DOK5: variants seen among roughly 807,000 people sequenced by gnomAD.
DOK5 encodes downstream of tyrosine kinase 5.
Under a neutral mutation model 43.3 loss-of-function variants are expected in DOK5, and 27 were observed. The observed-to-expected ratio is 0.62, with a 90% confidence interval of 0.46 to 0.86. DOK5 has a LOEUF of 0.86. Ranked by LOEUF, DOK5 falls within the 40% of genes least tolerant of loss-of-function variation. DOK5 has a pLI of 0.00. For missense variants in DOK5, 373 were observed against 392.9 expected (o/e 0.95, Z 0.43); for synonymous variants, 146 against 140.1 (o/e 1.04, Z -0.30).
At chr20:54,501,466 C>CAAAAAAAAAA (rs76224592) in intron 1 of DOK5, among the ~76,000 whole-genome samples, 1 of 19,454 alleles carries the variant, frequency 5.1e-5, no homozygotes, top group African/African-American at 2.1e-4. Context: ...GACTCACTCT[C>CAAAAAAAAAA]AAAAAAAAAA....
At chr20:54,578,991 A>G (rs1333067223) in intron 2 of DOK5, among the ~76,000 whole-genome samples, 2 of 152,172 alleles carry the variant, frequency 1.3e-5, no homozygotes, top group Non-Finnish European at 2.9e-5. Flanking sequence ...TGATTATATG[A>G]CATTATTGTT....
chr20:54,531,764 G>A (rs1386333070), intron 1 of DOK5, among the ~76,000 whole-genome samples: 1 of 152,178 alleles, frequency 6.6e-6, no homozygotes, highest in South Asian at 2.1e-4. Flanking sequence ...TATTCTTTAA[G>A]TTGGGGATTC....
intron 1 of DOK5, among the ~76,000 whole-genome samples, chr20:54,526,914 G>GGT (rs1347308291): frequency 2.6e-5 from 4 of 152,022 alleles, no homozygotes; most frequent in African/African-American, 4.8e-5. Flanking sequence ...GAAACAATGA[G>GGT]GTTATAGTTA....
At chr20:54,606,704 A>G (rs1986480247) in intron 5 of DOK5, among the ~76,000 whole-genome samples, 3 of 152,300 alleles carry the variant, frequency 2.0e-5, no homozygotes, top group East Asian at 1.9e-4. Flanking sequence ...TTCCAAACAC[A>G]TCAATTAGGA....
At chr20:54,523,315 C>T (rs1337085861) in intron 1 of DOK5, among the ~76,000 whole-genome samples, 3 of 152,056 alleles carry the variant, frequency 2.0e-5, no homozygotes, top group Non-Finnish European at 4.4e-5. Flanking sequence ...GCCTGTAATC[C>T]CAGCACTTTG....
At chr20:54,515,730 A>G (rs993619413) in intron 1 of DOK5, among the ~76,000 whole-genome samples, 1 of 152,180 alleles carries the variant, frequency 6.6e-6, no homozygotes, top group African/African-American at 2.4e-5. Context: ...ATTTTTTTGT[A>G]TTGGTTACCA....
intron 1 of DOK5, among the ~76,000 whole-genome samples, chr20:54,495,732 A>C (rs1982365951): frequency 6.6e-6 from 1 of 152,152 alleles, no homozygotes; most frequent in Non-Finnish European, 1.5e-5. Context: ...CTCTACAATA[A>C]TTAGCCGGGT....
At chr20:54,565,225 A>T (rs1985054576) in intron 2 of DOK5, among the ~76,000 whole-genome samples, 1 of 152,236 alleles carries the variant, frequency 6.6e-6, no homozygotes, top group African/African-American at 2.4e-5. Flanking sequence ...CATACCTATG[A>T]TAAAGTTTAA....
intron 6 of DOK5, among the ~76,000 whole-genome samples, chr20:54,636,474 T>G (rs1978828252): frequency 6.6e-6 from 1 of 152,210 alleles, no homozygotes; most frequent in Non-Finnish European, 1.5e-5. Context: ...GCTGTTCAGA[T>G]TTTTGCATTT....
intron 6 of DOK5, among the ~76,000 whole-genome samples, chr20:54,613,795 AC>A (rs1285675794): frequency 6.6e-6 from 1 of 152,032 alleles, no homozygotes; most frequent in East Asian, 1.9e-4. Flanking sequence ...GAAGTTTGAG[AC>A]CAGTCTGGGC....
intron 1 of DOK5, among the ~76,000 whole-genome samples, chr20:54,539,941 A>G (rs1984092006): frequency 1.3e-5 from 2 of 152,234 alleles, no homozygotes; most frequent in African/African-American, 2.4e-5. Context: ...CAGCGGAGGA[A>G]ATATTCTCTT....
intron 5 of DOK5, among the ~76,000 whole-genome samples, chr20:54,610,069 A>G (rs1986594249): frequency 6.6e-6 from 1 of 152,224 alleles, no homozygotes; most frequent in South Asian, 2.1e-4. Flanking sequence ...TGAGAGTGGC[A>G]AGGTGAAGGA....
intron 6 of DOK5, among the ~76,000 whole-genome samples, chr20:54,616,491 C>A (rs1459393290): frequency 1.3e-5 from 2 of 152,236 alleles, no homozygotes; most frequent in Non-Finnish European, 2.9e-5. Context: ...CCAGTAGTGT[C>A]TGTCCTCACA....
chr20:54,606,692 G>T (rs183644869), intron 5 of DOK5, among the ~76,000 whole-genome samples: 90 of 152,190 alleles, frequency 5.9e-4, no homozygotes, highest in Non-Finnish European at 7.5e-4. Context: ...CTTATGAAAC[G>T]GTTCCAAACA....
rs901975557 is a variant in DOK5, at chr20:54,565,869, T to A, written c.174+10829T>A. ...GTCTCTACTAAAAAATACAAAAAAA[T>A]TAGCCGGGCGTGGTGGTGTGTGCCT... On this transcript the variant is annotated intron_variant, in intron 2 of 7. Coordinates refer to ENST00000262593, the MANE Select transcript of DOK5 (RefSeq NM_018431.5). 2.0e-5 allele frequency among the ~76,000 whole-genome samples: 3 copies of A among 151,868 alleles called. No homozygotes were observed. In the South Asian group the frequency reaches 6.2e-4, roughly 32 times the overall value.
intron 1 of DOK5, among the ~76,000 whole-genome samples, chr20:54,483,209 A>G (rs1173682958): frequency 1.3e-5 from 2 of 152,342 alleles, no homozygotes; most frequent in African/African-American, 4.8e-5. Flanking sequence ...CAAATTAGTG[A>G]TATGATTGTC....
intron 5 of DOK5, among the ~76,000 whole-genome samples, chr20:54,600,281 T>C (rs1479587423): frequency 6.6e-6 from 1 of 152,058 alleles, no homozygotes; most frequent in African/African-American, 2.4e-5. Context: ...TGGCTTTTAG[T>C]CTTAGTCTGA....
chr20:54,598,143 C>T (rs2146778681), intron 5 of DOK5, among the ~76,000 whole-genome samples: 1 of 152,296 alleles, frequency 6.6e-6, no homozygotes, highest in South Asian at 2.1e-4. Context: ...CAGTGTTTTT[C>T]TCCTTCTCCT....
At chr20:54,538,329 T>A (rs2146713049) in intron 1 of DOK5, among the ~76,000 whole-genome samples, 1 of 152,168 alleles carries the variant, frequency 6.6e-6, no homozygotes, top group South Asian at 2.1e-4. Flanking sequence ...CATCCAGTGC[T>A]AAGAGAAAAG....
Sources: allele counts gnomAD v4.1 joint callset (sites outside exome capture counted in the v4.1 genomes callset), GRCh38; gene constraint gnomAD v4.1.1; transcripts MANE v1.5; gene names NCBI Gene and HGNC (gene_info 2026-07-23, HGNC 2026-07-21).